The following ARPIN variants were observed in gnomAD, a reference collection of about 807,000 sequenced individuals.
ARPIN encodes the protein UPF0552 protein C15orf38.
In ARPIN, 23 loss-of-function variants were observed where a neutral mutation model predicts 25.9. That is an observed-to-expected ratio of 0.89 (90% CI 0.64 to 1.26). ARPIN has a LOEUF of 1.26. Ranked by LOEUF, ARPIN falls within the 50% of genes most tolerant of loss-of-function variation. ARPIN has a pLI of 0.00. For synonymous variants in ARPIN, 126 were observed against 131.4 expected, an observed-to-expected ratio of 0.96 and a Z score of 0.28; for missense variants, 333 against 312.2, an observed-to-expected ratio of 1.07 and a Z score of -0.50.
chr15:89,902,842 A>C (rs1897044918), intron 5 of ARPIN: 1 of 1,166,804 alleles, frequency 8.6e-7, no homozygotes, highest in Non-Finnish European at 1.1e-6. Context: ...AAGGAGCCCA[A>C]ACCAAAGGAG....
rs111380828 is a variant in ARPIN at position 89,908,323 on chromosome 15, G to A, written c.258C>T (p.Ser86=). The change falls in exon 3 of 6, where the codon AGC becomes AGT. Residue 86 remains serine, a synonymous_variant. Transcript: ENST00000357484. ...AKGNEIEPNF[S]ATRKVNTGFL... Reference sequence around the variant, plus strand: ...AGCCCGTGTTCACCTTCCTGGTGGCGCTGAAGTTGGGCTCGATTTCATTTC... The same window carrying A: ...AGCCCGTGTTCACCTTCCTGGTGGCACTGAAGTTGGGCTCGATTTCATTTC... 9.6e-4 allele frequency: 1,544 copies of A among 1,614,160 alleles called. 5 individuals carry two copies. Among genetic ancestry groups the A allele is most frequent in the African/African-American group, 8.3e-3 (624 of 75,030 alleles).
chr15:89,912,303 C>T (rs1897238346), intron 1 of ARPIN: 1 of 997,836 alleles, frequency 1.0e-6, no homozygotes, highest in Non-Finnish European at 1.2e-6. Flanking sequence ...ATCCTCCTCA[C>T]CCAGGCAGGC....
intron 1 of ARPIN, chr15:89,912,487 T>C: frequency 3.1e-6 from 4 of 1,271,606 alleles, no homozygotes; most frequent in Non-Finnish European, 4.0e-6. Flanking sequence ...CGGAGACCTG[T>C]CTGGGGGTCG....
chr15:89,905,439 C>G (rs1357127251), intron 3 of ARPIN, among the ~76,000 whole-genome samples: 1 of 152,100 alleles, frequency 6.6e-6, no homozygotes, highest in Non-Finnish European at 1.5e-5. Flanking sequence ...AGACCCCTTC[C>G]CCCCTCCTGA....
rs1461047789 is a variant in ARPIN at position 89,912,702 on chromosome 15, G to A, written c.92+42C>T. 13 of 1,225,458 alleles carry A rather than the reference G, an allele frequency of 1.1e-5. No homozygotes were observed. In the East Asian group the frequency reaches 4.0e-4, roughly 37 times the overall value. The allele number at this position is 1,225,458 out of a possible 1,614,324, so 75.9% of individuals were successfully genotyped here. Reference sequence around the variant, plus strand: ...CCGATCCTGTTGCGGGGTTCGAGCCGGGGCAGGGGAGGCCGACCCGAGGCC... The same window carrying A: ...CCGATCCTGTTGCGGGGTTCGAGCCAGGGCAGGGGAGGCCGACCCGAGGCC... On this transcript the variant is annotated intron_variant, in intron 1 of 5. Transcript: ENST00000357484.
Position 89,903,877 on chromosome 15 carries a change from G to C in ARPIN, c.408C>G (p.His136Gln), listed in dbSNP as rs371961568. The change falls in exon 4 of 6, where the codon CAC becomes CAG. Residue 136 changes from histidine to glutamine, a missense_variant. By Grantham distance (24) the His-to-Gln change is conservative. Transcript: ENST00000357484. ...ACTCGGGCATCCAGAACGCCACTGT[G>C]TGGTCGGGGGTGAGGCTCTCTGTCA... ...LALTESLTPD[H>Q]TVAFWMPESE... 1 of 1,614,102 alleles carries C rather than the reference G, an allele frequency of 6.2e-7. No individual in the cohort carries two copies. The highest frequency in any genetic ancestry group is 8.5e-7 in the Non-Finnish European group (1 of 1,180,032).
chr15:89,908,918 GGTTGC>G (rs751816268), intron 2 of ARPIN, among the ~76,000 whole-genome samples: 11 of 152,150 alleles, frequency 7.2e-5, no homozygotes, highest in Non-Finnish European at 1.5e-4. Flanking sequence ...AGGAGGCGGA[GGTTGC>G]TGTAAGCCGA....
rs1323498386 is a variant in ARPIN at position 89,910,734 on chromosome 15, G to A, written c.168+10C>T. 3.1e-6 allele frequency: 5 copies of A among 1,613,976 alleles called. No homozygotes were observed. In the Admixed American group the frequency reaches 5.0e-5, roughly 16 times the overall value. ...GTGCCCTCTAGCTAGCACCGAGGAA[G>A]CATCCTCACCTTCCTGCCATGAGTG... On this transcript the variant is annotated intron_variant, in intron 2 of 5. Transcript: ENST00000357484.
chr15:89,901,733 A>G lies in ARPIN; in HGVS notation c.*62T>C. 6.3e-7 allele frequency: 1 copy of G among 1,587,312 alleles called. No individual in the cohort carries two copies. Among genetic ancestry groups the G allele is most frequent in the Non-Finnish European group, 8.6e-7 (1 of 1,156,110 alleles). ...CTCTCCAGCTCCAGAGTAGAAGTTCATGGAAGAAATGTTCCACAATGCTAC... is the reference window on the plus strand; with the variant it reads ...CTCTCCAGCTCCAGAGTAGAAGTTCGTGGAAGAAATGTTCCACAATGCTAC... On this transcript the variant is annotated 3_prime_UTR_variant, in exon 6 of 6. Coordinates refer to ENST00000357484, the MANE Select transcript of ARPIN (RefSeq NM_182616.4).
At chr15:89,910,108 G>A (rs1422891824) in intron 2 of ARPIN, among the ~76,000 whole-genome samples, 2 of 152,180 alleles carry the variant, frequency 1.3e-5, no homozygotes, top group Non-Finnish European at 2.9e-5. Context: ...AAATAGTGCT[G>A]AGCTGTTCTC....
At chr15:89,909,701 CAGGTGCA>C (rs1488265802) in intron 2 of ARPIN, among the ~76,000 whole-genome samples, 2 of 152,096 alleles carry the variant, frequency 1.3e-5, no homozygotes, top group Non-Finnish European at 2.9e-5. Flanking sequence ...GGCAGGGGGA[CAGGTGCA>C]AGGTTTTATC....
intron 2 of ARPIN, 124 bp downstream of exon 2, chr15:89,910,620 G>T: frequency 8.5e-7 from 1 of 1,175,590 alleles, no homozygotes; most frequent in South Asian, 1.4e-5. Flanking sequence ...CTTCCCACTT[G>T]CTTTCTAAGC....
rs1897022888 is a variant in ARPIN, at chr15:89,901,659, A to G, written c.*136T>C. ...TTTTAGCAGAGCTTGTTCAAAGAGT[A>G]TTCCAAGGTGGCTATGGGGAAGAAC... is the stretch of plus-strand genomic sequence containing the variant. On this transcript the variant is annotated 3_prime_UTR_variant, in exon 6 of 6. Transcript: ENST00000357484. 9.5e-7 allele frequency: 1 copy of G among 1,050,412 alleles called. No homozygotes were observed. The highest frequency in any genetic ancestry group is 2.1e-5 in the Admixed American group (1 of 47,952). 65.1% of individuals were successfully genotyped at this position (1,050,412 alleles called of 1,614,324 possible). A position where few individuals can be genotyped will look rare whatever the true frequency, so the allele number is the denominator to read the frequency against.
intron 3 of ARPIN, among the ~76,000 whole-genome samples, chr15:89,904,763 G>A (rs1397690845): frequency 1.3e-5 from 2 of 152,200 alleles, no homozygotes; most frequent in African/African-American, 2.4e-5. Context: ...AAGCCCAGGT[G>A]GCCGCACTTC....
At chr15:89,902,711 A>C in intron 5 of ARPIN, 1 of 404,920 alleles carries the variant, frequency 2.5e-6, no homozygotes, top group Non-Finnish European at 3.5e-6. Context: ...CTCCCAAAAA[A>C]AGAGAAAAGA....
In ARPIN at chr15:89,895,627, GA is replaced by G. The variant is rs1567192134; in HGVS notation, c.*6167del. On this transcript the variant is annotated 3_prime_UTR_variant, in exon 6 of 6. Transcript: ENST00000357484. ...CTTGGACAGTGCATGGCACATAACT[GA>G]GTACCACATAAGTGATTTAAAAACA... The G allele has an allele frequency of 2.3e-5, 1 of 43,608 alleles. No homozygotes were observed. Among genetic ancestry groups the G allele is most frequent in the African/African-American group, 1.0e-4 (1 of 10,048 alleles). The allele number at this position is 43,608 out of a possible 1,614,324, so 2.7% of individuals were successfully genotyped here.
At chr15:89,906,535 GC>G (rs1897122925) in intron 3 of ARPIN, among the ~76,000 whole-genome samples, 1 of 152,128 alleles carries the variant, frequency 6.6e-6, no homozygotes, top group African/African-American at 2.4e-5. Flanking sequence ...CGGGATCCAG[GC>G]CCGGGCCTGT....
rs1896938247 is a variant in ARPIN, at chr15:89,896,816, TATATTC to T, written c.*4973_*4978del. The T allele has an allele frequency of 6.6e-6, 1 of 152,182 alleles. No homozygotes were observed. The highest frequency in any genetic ancestry group is 2.4e-5 in the African/African-American group (1 of 41,442). 9.4% of individuals were successfully genotyped at this position (152,182 alleles called of 1,614,324 possible). ...TAAGTGGGGGAAAGGCAAATTAAAA[TATATTC>T]AAATATTATTTTCACCTCATCAAAA... On this transcript the variant is annotated 3_prime_UTR_variant, in exon 6 of 6. Transcript: ENST00000357484.
chr15:89,912,486 GTCTGGGGGTCGGGACCC>G (rs1897242341), intron 1 of ARPIN: 4 of 1,273,584 alleles, frequency 3.1e-6, no homozygotes, highest in Admixed American at 4.3e-5. Context: ...TCGGAGACCT[GTCTGGGGGTCGGGACCC>G]TCTCTCGAGG....
Sources: gnomAD v4.1 joint callset for allele counts (sites outside exome capture counted in the v4.1 genomes callset) on GRCh38, gnomAD v4.1.1 for gene constraint, MANE v1.5 for transcripts, NCBI Gene and HGNC (gene_info 2026-07-23, HGNC 2026-07-21) for gene names.